Variants in SCML2 observed in about 807,000 individuals in gnomAD.
SCML2 encodes Scm polycomb group protein like 2.
SCML2 carries 6 observed loss-of-function variants against 48.4 expected under a neutral mutation model. The ratio of observed to expected loss-of-function variants is 0.12; its 90% CI spans 0.07 to 0.24. SCML2 has a LOEUF of 0.24. Ranked by LOEUF, SCML2 falls within the 10% of genes least tolerant of loss-of-function variation. The pLI is 1.00. For missense variants in SCML2, 377 were observed against 528.2 expected (o/e 0.71, Z 2.81); for synonymous variants, 181 against 189.5 (o/e 0.95, Z 0.37).
intron 7 of SCML2, among the ~76,000 whole-genome samples, chrX:18,298,059 C>G: frequency 9.1e-6 from 1 of 109,835 alleles, no homozygotes; most frequent in East Asian, 2.9e-4. Context: ...GAAATTTTAC[C>G]AAGGAGGTGA....
chrX:18,253,738 A>C (rs1487624192), intron 11 of SCML2, among the ~76,000 whole-genome samples: 1 of 111,784 alleles, frequency 8.9e-6, no homozygotes, highest in Non-Finnish European at 1.9e-5. Context: ...AAAACATAAC[A>C]CTATTTATAA....
intron 13 of SCML2, 83 bp from the exon 14 acceptor site, chrX:18,242,673 T>G: frequency 9.9e-7 from 1 of 1,009,811 alleles, no homozygotes; most frequent in Non-Finnish European, 1.3e-6. Context: ...GGAATAATGG[T>G]CTCATTCCTG....
intron 7 of SCML2, 95 bp downstream of exon 7, chrX:18,304,877 C>T (rs1209548304): frequency 1.7e-5 from 17 of 1,013,348 alleles, no homozygotes; most frequent in African/African-American, 7.7e-5. Context: ...GGGCATGTAC[C>T]ACCTGGTACC....
chrX:18,293,331 T>G (rs1369612622), intron 7 of SCML2, among the ~76,000 whole-genome samples: 1 of 111,433 alleles, frequency 9.0e-6, no homozygotes, highest in Non-Finnish European at 1.9e-5. Context: ...TAATAAGCGA[T>G]GCCTGAAAAA....
chrX:18,300,798 A>C (rs1360339089), intron 7 of SCML2, among the ~76,000 whole-genome samples: 1 of 110,643 alleles, frequency 9.0e-6, no homozygotes, highest in Non-Finnish European at 1.9e-5. Context: ...TTCAAAAAAA[A>C]AAAAAGAAAA....
intron 6 of SCML2, among the ~76,000 whole-genome samples, chrX:18,312,078 C>T (rs189967128): frequency 9.5e-4 from 107 of 112,144 alleles, no homozygotes; most frequent in African/African-American, 3.3e-3. Context: ...AGGCGTGAGG[C>T]ACCATGCCCG....
intron 2 of SCML2, among the ~76,000 whole-genome samples, chrX:18,331,684 G>A (rs1444570145): frequency 9.0e-6 from 1 of 111,591 alleles, no homozygotes; most frequent in African/African-American, 3.3e-5. Context: ...ACCCAAATAA[G>A]TCCACACACA....
chrX:18,321,811 T>C (rs1342138386), intron 5 of SCML2, among the ~76,000 whole-genome samples: 2 of 111,390 alleles, frequency 1.8e-5, no homozygotes, highest in African/African-American at 3.3e-5. Context: ...TGTAATTGCT[T>C]AAAGTCAAAC....
chrX:18,343,611 T>C (rs748027202), intron 1 of SCML2, among the ~76,000 whole-genome samples: 3 of 108,271 alleles, frequency 2.8e-5, no homozygotes, highest in East Asian at 2.9e-4. Flanking sequence ...AATACAAAAA[T>C]TAGCCAGGTG....
chrX:18,304,158 G>A (rs1009357123), intron 7 of SCML2, among the ~76,000 whole-genome samples: 5 of 111,508 alleles, frequency 4.5e-5, no homozygotes, highest in African/African-American at 1.6e-4. Context: ...TCCTGCCTCA[G>A]CCTCCTGAGT....
At chrX:18,317,598 C>A (rs1419051360) in intron 6 of SCML2, among the ~76,000 whole-genome samples, 1 of 110,740 alleles carries the variant, frequency 9.0e-6, no homozygotes, top group East Asian at 2.9e-4. Context: ...TTTGGGAGGC[C>A]GAGGCGGGCG....
chrX:18,302,296 A>T (rs780170452), intron 7 of SCML2, among the ~76,000 whole-genome samples: 14 of 111,293 alleles, frequency 1.3e-4, no homozygotes, highest in Admixed American at 4.8e-4. Context: ...GATAATGTTG[A>T]GTACTTTCTC....
Position 18,239,318 on chromosome X carries a change from C to G in SCML2, c.*1933G>C, listed in dbSNP as rs377672178. On this transcript the variant is annotated 3_prime_UTR_variant, in exon 15 of 15. Transcript: ENST00000251900. ...ATCACATCTGAGGCTTTGAATGAATCGTTGCGATTAACTTTATTAATATTT... is the reference window on the plus strand; with the variant it reads ...ATCACATCTGAGGCTTTGAATGAATGGTTGCGATTAACTTTATTAATATTT... 7.5e-4 allele frequency: 84 copies of G among 112,543 alleles called. No individual in the cohort carries two copies. Among genetic ancestry groups the G allele is most frequent in the African/African-American group, 2.5e-3 (79 of 31,022 alleles). The allele number at this position is 112,543 out of a possible 1,213,427, so 9.3% of individuals were successfully genotyped here. A position where few individuals can be genotyped will look rare whatever the true frequency, so the allele number is the denominator to read the frequency against.
intron 1 of SCML2, among the ~76,000 whole-genome samples, chrX:18,344,638 G>A (rs192854129): frequency 5.1e-4 from 57 of 111,422 alleles, no homozygotes; most frequent in Non-Finnish European, 9.4e-4. Context: ...AAAGAGAAAC[G>A]CCTTTCACCT....
At chrX:18,327,230 A>G (rs1602139055) in intron 3 of SCML2, among the ~76,000 whole-genome samples, 1 of 110,164 alleles carries the variant, frequency 9.1e-6, no homozygotes, top group South Asian at 3.9e-4. Flanking sequence ...ATTGCTGGGC[A>G]TCGTGGCGGG....
At chrX:18,290,404 C>G (rs965463810) in intron 7 of SCML2, among the ~76,000 whole-genome samples, 2 of 111,575 alleles carry the variant, frequency 1.8e-5, no homozygotes, top group Non-Finnish European at 1.9e-5. Context: ...AGAAGAATTC[C>G]TCTATACCCT....
intron 6 of SCML2, among the ~76,000 whole-genome samples, chrX:18,310,732 C>T (rs964865967): frequency 9.0e-6 from 1 of 111,002 alleles, no homozygotes; most frequent in African/African-American, 3.3e-5. Flanking sequence ...ACTACAGGAA[C>T]GTGCCACCAC....
At chrX:18,307,807 T>A (rs1403071509) in intron 6 of SCML2, among the ~76,000 whole-genome samples, 1 of 109,634 alleles carries the variant, frequency 9.1e-6, no homozygotes, top group Non-Finnish European at 1.9e-5. Context: ...AAACCCTATC[T>A]CTAAAAAAGT....
At chrX:18,300,332 C>CA (rs112356322) in intron 7 of SCML2, among the ~76,000 whole-genome samples, 22,280 of 106,497 alleles carry the variant, frequency 0.21, 1,887 homozygotes, top group Middle Eastern at 0.31. Flanking sequence ...CCCAGGAAGT[C>CA]AAGGCTTTAC....
Sources: allele counts gnomAD v4.1 joint callset (sites outside exome capture counted in the v4.1 genomes callset), GRCh38; gene constraint gnomAD v4.1.1; transcripts MANE v1.5; gene names NCBI Gene and HGNC (gene_info 2026-07-23, HGNC 2026-07-21).